The following GLIS3 variants were observed in gnomAD, a reference collection of about 807,000 sequenced individuals.
GLIS3 encodes GLIS family zinc finger 3, also known as zinc finger protein GLIS3.
In GLIS3, 53 loss-of-function variants were observed where a neutral mutation model predicts 78.6. The observed-to-expected ratio is 0.67, with a 90% CI of 0.54 to 0.85. The LOEUF is 0.85. Ranked by LOEUF, GLIS3 falls within the 40% of genes least tolerant of loss-of-function variation. GLIS3 has a pLI of 0.00. For synonymous variants in GLIS3, 684 were observed against 509.9 expected (o/e 1.34, Z -4.60); for missense variants, 1,703 against 1,231.1 (o/e 1.38, Z -5.74).
chr9:4,099,595 G>A (rs1215597284), intron 4 of GLIS3, among the ~76,000 whole-genome samples: 1 of 152,120 alleles, frequency 6.6e-6, no homozygotes, highest in Non-Finnish European at 1.5e-5. Flanking sequence ...ACATTCTGAG[G>A]TACTGGGGGT....
the GLIS3 span, among the ~76,000 whole-genome samples, chr9:4,359,017 G>C: frequency 6.6e-6 from 1 of 152,166 alleles, no homozygotes. Flanking sequence ...GTAGGACCAT[G>C]GTGGCTTGTA....
At chr9:4,417,338 C>G in the GLIS3 span, among the ~76,000 whole-genome samples, 1 of 152,138 alleles carries the variant, frequency 6.6e-6, no homozygotes, top group Admixed American at 6.6e-5. Flanking sequence ...TTGTTCGTAT[C>G]AAACCATGAA....
At position 3,887,885 on chromosome 9, in the gene GLIS3, T is replaced by C. The variant is rs186736559; in HGVS notation, c.2129-8290A>G. Among the ~76,000 whole-genome samples the C allele has an allele frequency of 1.8e-4, 27 of 152,242 alleles. No individual in the cohort carries two copies. In the East Asian group the frequency reaches 5.2e-3, roughly 29 times the overall value. ...CTATCAACTTCTCTGGGATGAACCT[T>C]TCACACAGCCCTCTTAGATCTTTCC... On this transcript the variant is annotated intron_variant, in intron 7 of 10. Coordinates refer to ENST00000381971, the MANE Select transcript of GLIS3 (RefSeq NM_001042413.2).
chr9:3,998,054 G>A (rs1170724205), intron 4 of GLIS3, among the ~76,000 whole-genome samples: 1 of 152,012 alleles, frequency 6.6e-6, no homozygotes, highest in East Asian at 1.9e-4. Context: ...TCTTTTTGGT[G>A]CTTAAATTGC....
intron 4 of GLIS3, among the ~76,000 whole-genome samples, chr9:4,096,780 G>C (rs149035711): frequency 0.013 from 1,927 of 152,298 alleles, 31 homozygotes; most frequent in African/African-American, 0.041. Flanking sequence ...GGGAGGCCAA[G>C]GCAGGTGGAT....
chr9:4,338,035 T>C (rs1345003864), intron 2 of GLIS3, among the ~76,000 whole-genome samples: 1 of 67,160 alleles, frequency 1.5e-5, no homozygotes, highest in Non-Finnish European at 3.8e-5. Flanking sequence ...TGTGTGTGTG[T>C]GTGTGTGTGT....
At position 3,855,109 on chromosome 9, in the gene GLIS3, T is replaced by C. The variant is rs576384446; in HGVS notation, c.2473+900A>G. On this transcript the variant is annotated intron_variant, in intron 9 of 10. Transcript: ENST00000381971. ...ATACAGATCTGATTGCCCTAGGAAG[T>C]AAAAGCCTGTGACAGTTCAAATCTA... Among the ~76,000 whole-genome samples the C allele has an allele frequency of 1.7e-3, 262 of 152,320 alleles. 1 individual carries two copies. Among genetic ancestry groups the C allele is most frequent in the Admixed American group, 3.1e-3 (47 of 15,304 alleles).
At chr9:4,004,382 G>A (rs1821373023) in intron 4 of GLIS3, among the ~76,000 whole-genome samples, 1 of 152,102 alleles carries the variant, frequency 6.6e-6, no homozygotes, top group Non-Finnish European at 1.5e-5. Flanking sequence ...TTTAATACAT[G>A]AATCACCTAA....
At chr9:4,436,663 G>A in the GLIS3 span, among the ~76,000 whole-genome samples, 7 of 152,052 alleles carry the variant, frequency 4.6e-5, no homozygotes, top group African/African-American at 1.4e-4. Flanking sequence ...AAAATCAGCT[G>A]GGCATGGTGG....
intron 4 of GLIS3, among the ~76,000 whole-genome samples, chr9:4,061,281 G>A (rs1347586668): frequency 7.3e-6 from 1 of 137,070 alleles, no homozygotes; most frequent in Non-Finnish European, 1.5e-5. Context: ...TGTTCTAACT[G>A]TTCAATTCCC....
At chr9:4,227,126 G>C (rs1821839026) in intron 2 of GLIS3, among the ~76,000 whole-genome samples, 1 of 152,122 alleles carries the variant, frequency 6.6e-6, no homozygotes. Flanking sequence ...GGGCACAGAA[G>C]GAGGCACTGG....
At chr9:4,403,461 G>T in the GLIS3 span, among the ~76,000 whole-genome samples, 1 of 152,260 alleles carries the variant, frequency 6.6e-6, no homozygotes, top group African/African-American at 2.4e-5. Flanking sequence ...GTTTCAAGTA[G>T]AAAGACTAAA....
intron 4 of GLIS3, among the ~76,000 whole-genome samples, chr9:3,956,012 CCTT>C (rs997981309): frequency 2.4e-5 from 3 of 122,484 alleles, no homozygotes; most frequent in Non-Finnish European, 4.8e-5. Context: ...CCACAATTGA[CCTT>C]CTCCAGATTC....
intron 4 of GLIS3, among the ~76,000 whole-genome samples, chr9:4,096,719 T>C (rs191310426): frequency 5.3e-5 from 8 of 152,140 alleles, no homozygotes; most frequent in East Asian, 1.9e-4. Flanking sequence ...GCTTATAAAC[T>C]AAAGGAGGTT....
chr9:4,365,107 G>C, the GLIS3 span, among the ~76,000 whole-genome samples: 3 of 152,078 alleles, frequency 2.0e-5, no homozygotes, highest in East Asian at 5.8e-4. Context: ...TCCTGGTGTA[G>C]GTCATCAGAT....
At chr9:4,012,821 G>T (rs1273578110) in intron 4 of GLIS3, among the ~76,000 whole-genome samples, 2 of 124,472 alleles carry the variant, frequency 1.6e-5, no homozygotes, top group African/African-American at 6.1e-5. Flanking sequence ...CATCCAGGCT[G>T]GAGTGCAACG....
intron 6 of GLIS3, among the ~76,000 whole-genome samples, chr9:3,908,825 G>A (rs955848261): frequency 9.3e-5 from 13 of 139,734 alleles, no homozygotes; most frequent in African/African-American, 2.7e-4. Flanking sequence ...CTGAATAATC[G>A]TCCAAGATTA....
chr9:4,397,112 A>G, the GLIS3 span, among the ~76,000 whole-genome samples: 5,653 of 107,956 alleles, frequency 0.052, 205 homozygotes, highest in African/African-American at 0.098. Flanking sequence ...TGCAAGCTCC[A>G]CCTCCTGGGT....
chr9:3,958,354 C>T (rs897419527), intron 4 of GLIS3, among the ~76,000 whole-genome samples: 6 of 152,012 alleles, frequency 3.9e-5, no homozygotes, highest in African/African-American at 7.3e-5. Flanking sequence ...TTTCCTACAT[C>T]GATTCTTTTT....
Sources: gnomAD v4.1 joint callset for allele counts (sites outside exome capture counted in the v4.1 genomes callset) on GRCh38, gnomAD v4.1.1 for gene constraint, MANE v1.5 for transcripts, NCBI Gene and HGNC (gene_info 2026-07-23, HGNC 2026-07-21) for gene names.